Variants in ABCB7 observed in about 807,000 individuals in gnomAD.
ABCB7 encodes ATP binding cassette subfamily B member 7.
ABCB7 carries 7 observed loss-of-function variants against 54.4 expected under a neutral mutation model. The observed-to-expected ratio is 0.13, with a 90% CI of 0.07 to 0.24. The LOEUF (loss-of-function observed/expected upper bound fraction) is 0.24. ABCB7 is among the 10% of genes least tolerant of loss of function. The pLI, the probability that ABCB7 is intolerant of heterozygous loss-of-function variation, is 1.00. For missense variants in ABCB7, 356 were observed against 570.4 expected (o/e 0.62, Z 3.83); for synonymous variants, 218 against 207.1 (o/e 1.05, Z -0.45).
intron 14 of ABCB7, among the ~76,000 whole-genome samples, chrX:75,060,877 C>T (rs1200444244): frequency 9.0e-6 from 1 of 111,473 alleles, no homozygotes; most frequent in Non-Finnish European, 1.9e-5. Context: ...TTCTGACTTC[C>T]TAACGCATCC....
At chrX:75,056,723 A>G (rs1339597875) in intron 15 of ABCB7, among the ~76,000 whole-genome samples, 1 of 111,310 alleles carries the variant, frequency 9.0e-6, no homozygotes, top group Non-Finnish European at 1.9e-5. Context: ...ATTCCAATAT[A>G]TCGCAAGGTT....
intron 4 of ABCB7, among the ~76,000 whole-genome samples, chrX:75,088,033 C>A (rs903669128): frequency 9.0e-6 from 1 of 111,688 alleles, no homozygotes; most frequent in African/African-American, 3.2e-5. Flanking sequence ...TAATGAACAA[C>A]CTCAATGTAA....
chrX:75,067,934 A>G (rs1340419578), intron 12 of ABCB7, among the ~76,000 whole-genome samples: 1 of 111,836 alleles, frequency 8.9e-6, no homozygotes, highest in Non-Finnish European at 1.9e-5. Context: ...ATTAAATTAG[A>G]TTATCTAATC....
chrX:75,145,250 T>C (rs1485241912), intron 1 of ABCB7, among the ~76,000 whole-genome samples: 1 of 111,245 alleles, frequency 9.0e-6, no homozygotes, highest in East Asian at 2.8e-4. Flanking sequence ...ATCATCCTCA[T>C]ACCAAAACTT....
intron 4 of ABCB7, among the ~76,000 whole-genome samples, chrX:75,084,167 G>C (rs779157056): frequency 9.0e-6 from 1 of 111,672 alleles, no homozygotes; most frequent in East Asian, 2.8e-4. Context: ...TTTTCCTCAA[G>C]AGTTTCTGGA....
intron 4 of ABCB7, among the ~76,000 whole-genome samples, chrX:75,091,721 T>G (rs2081545320): frequency 9.2e-6 from 1 of 108,522 alleles, no homozygotes; most frequent in African/African-American, 3.3e-5. Flanking sequence ...AAAAAGCAAT[T>G]ACAGCAAGGT....
chrX:75,140,025 A>C (rs6647642), intron 1 of ABCB7, among the ~76,000 whole-genome samples: 15,857 of 111,021 alleles, frequency 0.14, 1,764 homozygotes, highest in East Asian at 0.9. Context: ...AGAAAATTTA[A>C]ATGGAGAAAA....
Position 75,052,800 on chromosome X carries a change from C to A in ABCB7, c.*570G>T, listed in dbSNP as rs7880440. The A allele has an allele frequency of 6.6e-5, 6 of 90,257 alleles. No homozygotes were observed. The highest frequency in any genetic ancestry group is 0.01 in the Middle Eastern group (2 of 197). 7.4% of individuals were successfully genotyped at this position (90,257 alleles called of 1,213,427 possible). ...CTCAAAAAAAAAAAACAACAAAAAA[C>A]AAAAAACAACAAAACAAAAAAGAAA... is the stretch of plus-strand genomic sequence containing the variant. On this transcript the variant is annotated 3_prime_UTR_variant, in exon 16 of 16. Coordinates refer to ENST00000373394, the MANE Select transcript of ABCB7 (RefSeq NM_001271696.3).
chrX:75,051,124 T>C lies in ABCB7; in HGVS notation c.*2246A>G, dbSNP rs755096930. Among the ~76,000 whole-genome samples the C allele has an allele frequency of 9.1e-4, 92 of 100,761 alleles. No individual in the cohort carries two copies. Among genetic ancestry groups the C allele is most frequent in the African/African-American group, 3.2e-3 (82 of 25,635 alleles). The allele number at this position is 100,761 out of a possible 115,157, so 87.5% of individuals were successfully genotyped here. ...AGCAGTAACAACTATGGTTTCAGAGTAAGAAATGTTGAAAAGGAAAAAAAA... is the reference window on the plus strand; with the variant it reads ...AGCAGTAACAACTATGGTTTCAGAGCAAGAAATGTTGAAAAGGAAAAAAAA... On this transcript the variant is annotated 3_prime_UTR_variant, in exon 16 of 16. Coordinates refer to ENST00000373394, the MANE Select transcript of ABCB7 (RefSeq NM_001271696.3).
chrX:75,068,973 C>A, intron 12 of ABCB7, 34 bp downstream of exon 12: 1 of 1,198,106 alleles, frequency 8.3e-7, no homozygotes, highest in East Asian at 3.0e-5. Context: ...CCAATAAATC[C>A]TCCAAAAATT....
At chrX:75,066,170 G>T in intron 12 of ABCB7, among the ~76,000 whole-genome samples, 1 of 111,465 alleles carries the variant, frequency 9.0e-6, no homozygotes, top group Non-Finnish European at 1.9e-5. Flanking sequence ...TACTTCAAGT[G>T]AGCATCCATC....
chrX:75,088,255 C>A (rs949963210), intron 4 of ABCB7, among the ~76,000 whole-genome samples: 2 of 112,208 alleles, frequency 1.8e-5, no homozygotes, highest in Non-Finnish European at 3.8e-5. Context: ...TCATCTAATG[C>A]ATTGTGTCTA....
At chrX:75,118,556 A>G (rs1321873038) in intron 1 of ABCB7, among the ~76,000 whole-genome samples, 2 of 110,951 alleles carry the variant, frequency 1.8e-5, no homozygotes, top group African/African-American at 6.5e-5. Flanking sequence ...CTTCAGGACT[A>G]AGAAGTAGAT....
intron 3 of ABCB7, among the ~76,000 whole-genome samples, chrX:75,110,674 T>C (rs186291381): frequency 8.0e-5 from 9 of 112,095 alleles, no homozygotes; most frequent in Non-Finnish European, 5.6e-5. Flanking sequence ...TTAAGATACA[T>C]GGCTAACTAA....
chrX:75,087,647 T>C (rs1296238474), intron 4 of ABCB7, among the ~76,000 whole-genome samples: 1 of 111,699 alleles, frequency 9.0e-6, no homozygotes, highest in Non-Finnish European at 1.9e-5. Flanking sequence ...CTAATCTATA[T>C]GAATAACAGA....
intron 1 of ABCB7, among the ~76,000 whole-genome samples, chrX:75,128,124 A>C (rs1225234135): frequency 8.9e-6 from 1 of 112,030 alleles, no homozygotes; most frequent in Non-Finnish European, 1.9e-5. Context: ...GAACCAAAAA[A>C]GAGCCCATAT....
rs1171834915 is a variant in ABCB7 at position 75,070,491 on chromosome X, C to A, written c.1239G>T (p.Val413=). ...GTLTVGDLVM[V]NGLLFQLSLP... is the part of the protein sequence containing the mutation. ...ATGAAAGCTGAAAAAGCAGTCCATTCACCATTACTAGATCTCCAACAGTAA... is the reference window on the plus strand; with the variant it reads ...ATGAAAGCTGAAAAAGCAGTCCATTAACCATTACTAGATCTCCAACAGTAA... Residue 413 remains valine (V), a synonymous_variant, in exon 10 of 16, where the codon GTG becomes GTT. Transcript: ENST00000373394. 8.3e-7 allele frequency: 1 copy of A among 1,208,248 alleles called. No homozygotes were observed. The highest frequency in any genetic ancestry group is 1.1e-6 in the Non-Finnish European group (1 of 894,603).
At chrX:75,115,832 T>A (rs1023009163) in intron 1 of ABCB7, among the ~76,000 whole-genome samples, 3 of 107,602 alleles carry the variant, frequency 2.8e-5, no homozygotes, top group Non-Finnish European at 5.8e-5. Context: ...TAATATACCC[T>A]CTTCCCTTTG....
intron 4 of ABCB7, among the ~76,000 whole-genome samples, chrX:75,084,302 G>T (rs1032448511): frequency 9.0e-6 from 1 of 111,600 alleles, no homozygotes; most frequent in African/African-American, 3.3e-5. Flanking sequence ...GTGATAATCT[G>T]TTACAGCAGC....
Sources: gnomAD v4.1 joint callset for allele counts (sites outside exome capture counted in the v4.1 genomes callset) on GRCh38, gnomAD v4.1.1 for gene constraint, MANE v1.5 for transcripts, NCBI Gene and HGNC (gene_info 2026-07-23, HGNC 2026-07-21) for gene names.